KCNJ12: variants seen among roughly 807,000 people sequenced by gnomAD.
The protein encoded by KCNJ12 is ATP-sensitive inward rectifier potassium channel 12.
Under a neutral mutation model 22.3 loss-of-function variants are expected in KCNJ12, and 2 were observed. The ratio of observed to expected loss-of-function variants is 0.09; its 90% CI spans 0.04 to 0.28. The LOEUF (loss-of-function observed/expected upper bound fraction) is 0.28. Among genes scored for constraint, KCNJ12 ranks in the 10% least tolerant of loss-of-function variants. The pLI, the probability that KCNJ12 is intolerant of heterozygous loss-of-function variation, is 1.00. For missense variants in KCNJ12, 155 were observed against 633.3 expected, an observed-to-expected ratio of 0.24 and a Z score of 8.11; for synonymous variants, 117 against 261.4, an observed-to-expected ratio of 0.45 and a Z score of 5.33.
At position 21,383,401 on chromosome 17, in the gene KCNJ12, G is replaced by A. The variant is rs1478162898; in HGVS notation, c.-179+6488G>A. On this transcript the variant is annotated intron_variant, in intron 1 of 2. Transcript: ENST00000583088. The stretch of plus-strand genomic sequence containing the variant: ...CTTCCATTCAGGGCTGGGGGGCGCC[G>A]AGGCCAGAGAGGGTCCAGGGGAGCT... 9.9e-5 allele frequency among the ~76,000 whole-genome samples: 15 copies of A among 152,270 alleles called. No individual in the cohort carries two copies. The East Asian group carries it at 2.1e-3, about 22-fold the overall frequency.
At chr17:21,406,544 T>C (rs1196483553) in intron 1 of KCNJ12, among the ~76,000 whole-genome samples, 1 of 152,286 alleles carries the variant, frequency 6.6e-6, no homozygotes, top group African/African-American at 2.4e-5. Flanking sequence ...GGCTGGGGAT[T>C]GGGGGACTTG....
chr17:21,402,816 TC>T (rs1905702256), intron 1 of KCNJ12, among the ~76,000 whole-genome samples: 2 of 152,306 alleles, frequency 1.3e-5, no homozygotes, highest in African/African-American at 4.8e-5. Flanking sequence ...GCTGGGGACT[TC>T]CTTGCTGGGA....
intron 1 of KCNJ12, among the ~76,000 whole-genome samples, chr17:21,377,188 G>A (rs1446772405): frequency 2.0e-5 from 3 of 152,156 alleles, no homozygotes; most frequent in Non-Finnish European, 4.4e-5. Context: ...GTCCTGGGGG[G>A]CGCTCCGGGA....
intron 2 of KCNJ12, among the ~76,000 whole-genome samples, chr17:21,411,793 T>TG (rs1252217468): frequency 1.3e-5 from 2 of 152,312 alleles, no homozygotes; most frequent in Non-Finnish European, 2.9e-5. Flanking sequence ...GTGTCCCTGG[T>TG]GGAGGATATT....
intron 2 of KCNJ12, among the ~76,000 whole-genome samples, chr17:21,414,445 A>G (rs1597583736): frequency 6.7e-6 from 1 of 148,482 alleles, no homozygotes; most frequent in African/African-American, 2.5e-5. Context: ...ATTGCATTCC[A>G]GCCTAGGTGA....
intron 1 of KCNJ12, among the ~76,000 whole-genome samples, chr17:21,391,683 A>T (rs1360374747): frequency 6.6e-6 from 1 of 152,154 alleles, no homozygotes; most frequent in African/African-American, 2.4e-5. Flanking sequence ...CTGCAGCCCC[A>T]GGTTCATGTC....
At chr17:21,404,289 A>G (rs1359558347) in intron 1 of KCNJ12, among the ~76,000 whole-genome samples, 1 of 152,292 alleles carries the variant, frequency 6.6e-6, no homozygotes, top group African/African-American at 2.4e-5. Context: ...TCACTGTGCT[A>G]TGGTTGGTCT....
At chr17:21,383,596 C>T (rs1488481109) in intron 1 of KCNJ12, among the ~76,000 whole-genome samples, 2 of 152,206 alleles carry the variant, frequency 1.3e-5, no homozygotes, top group Non-Finnish European at 2.9e-5. Flanking sequence ...GGGGCAAACT[C>T]AGGGGTCACA....
At chr17:21,397,534 G>A (rs1905410650) in intron 1 of KCNJ12, among the ~76,000 whole-genome samples, 1 of 152,276 alleles carries the variant, frequency 6.6e-6, no homozygotes, top group Non-Finnish European at 1.5e-5. Flanking sequence ...AGAGGCTGAT[G>A]AGCTGGCCTG....
chr17:21,415,105 C>T (rs1467440411), intron 2 of KCNJ12, among the ~76,000 whole-genome samples, 182 bp from the exon 3 acceptor site: 26 of 152,404 alleles, frequency 1.7e-4, no homozygotes, highest in East Asian at 1.9e-4. Context: ...GCTGGGGGCC[C>T]GAAGGGGGTG....
In KCNJ12 at chr17:21,415,616, C is replaced by G. The variant is rs1200880877; in HGVS notation, c.274C>G (p.Leu92Val). 6.2e-7 allele frequency: 1 copy of G among 1,613,996 alleles called. No homozygotes were observed. Among genetic ancestry groups the G allele is most frequent in the South Asian group, 1.1e-5 (1 of 91,090 alleles). Residue 92 changes from leucine (L) to valine (V), a missense_variant, in exon 3 of 3, where the codon CTT becomes GTT. Coordinates refer to ENST00000583088, the MANE Select transcript of KCNJ12 (RefSeq NM_021012.5). ...GCTGCTCATCTTCTCGCTGGCCTTC[C>G]TTGCCTCCTGGCTGCTGTTCGGCAT... ...YMLLIFSLAF[L>V]ASWLLFGIIF...
intron 1 of KCNJ12, among the ~76,000 whole-genome samples, chr17:21,387,132 GGT>G (rs1905093595): frequency 6.7e-6 from 1 of 149,736 alleles, no homozygotes; most frequent in African/African-American, 2.5e-5. Flanking sequence ...TTCCAGCCTG[GGT>G]GACAGAGCGA....
chr17:21,391,425 CG>C (rs1905207184), intron 1 of KCNJ12, among the ~76,000 whole-genome samples: 3 of 152,340 alleles, frequency 2.0e-5, no homozygotes, highest in Admixed American at 2.0e-4. Context: ...GCTGTACCCC[CG>C]GACCACAGAC....
rs1904678328 is a variant in KCNJ12, at chr17:21,376,967, C to A, written c.-179+54C>A. On this transcript the variant is annotated intron_variant, in intron 1 of 2. Transcript: ENST00000583088. This position sits in a 1 kb window ranked among gnomAD's most constrained non-coding sequence, Gnocchi z 5.3. ...CCTCCCGGGCCCGGCCCCAGTTCCC[C>A]GCAGGCCGCGCCTCGCCACTAGCCC... is the stretch of plus-strand genomic sequence containing the variant. 6.6e-6 allele frequency: 1 copy of A among 152,068 alleles called. No individual in the cohort carries two copies. The highest frequency in any genetic ancestry group is 6.5e-5 in the Admixed American group (1 of 15,276). The allele number at this position is 152,068 out of a possible 1,614,324, so 9.4% of individuals were successfully genotyped here. A position where few individuals can be genotyped will look rare whatever the true frequency, so the allele number is the denominator to read the frequency against.
At chr17:21,395,968 C>T (rs1905349172) in intron 1 of KCNJ12, among the ~76,000 whole-genome samples, 1 of 152,192 alleles carries the variant, frequency 6.6e-6, no homozygotes, top group African/African-American at 2.4e-5. Flanking sequence ...TCAGGCATGG[C>T]CTGCCCTCTC....
intron 1 of KCNJ12, among the ~76,000 whole-genome samples, chr17:21,388,636 G>A (rs1905133852): frequency 6.6e-6 from 1 of 152,228 alleles, no homozygotes; most frequent in Non-Finnish European, 1.5e-5. Context: ...ACGTCGTGCT[G>A]AGGCTTGGCA....
chr17:21,396,441 C>T (rs1905365819), intron 1 of KCNJ12, among the ~76,000 whole-genome samples: 13 of 152,180 alleles, frequency 8.5e-5, no homozygotes, highest in Non-Finnish European at 5.9e-5. Flanking sequence ...TGCCAGGCAG[C>T]AAGCCCTGGC....
chr17:21,395,568 C>CAAAAAAAAAAAAAAAAAAAAAAAAAAA (rs10652801), intron 1 of KCNJ12, among the ~76,000 whole-genome samples: 2 of 48,140 alleles, frequency 4.2e-5, no homozygotes, highest in African/African-American at 1.0e-4. Context: ...GACTTCTTCT[C>CAAAAAAAAAAAAAAAAAAAAAAAAAAA]AAAAAAAAAA....
intron 1 of KCNJ12, among the ~76,000 whole-genome samples, chr17:21,394,512 G>C (rs1905288083): frequency 6.6e-6 from 1 of 152,180 alleles, no homozygotes; most frequent in Non-Finnish European, 1.5e-5. Flanking sequence ...ATGGTACTCA[G>C]GGGCTAAGTC....
Sources: gnomAD v4.1 joint callset for allele counts (sites outside exome capture counted in the v4.1 genomes callset) on GRCh38, gnomAD v4.1.1 for gene constraint, Gnocchi (gnomAD v3.1) non-coding constraint, MANE v1.5 for transcripts, NCBI Gene and HGNC (gene_info 2026-07-23, HGNC 2026-07-21) for gene names.